NSUN6: variants seen among roughly 807,000 people sequenced by gnomAD.
The protein encoded by NSUN6 is NOP2/Sun RNA methyltransferase 6, also known as tRNA (cytosine(72)-C(5))-methyltransferase NSUN6.
NSUN6 carries 64 observed loss-of-function variants against 58.0 expected under a neutral mutation model. The ratio of observed to expected loss-of-function variants is 1.10; its 90% CI spans 0.90 to 1.36. The LOEUF is 1.36. Ranked by LOEUF, NSUN6 falls within the 40% of genes most tolerant of loss-of-function variation. The pLI, the probability that NSUN6 is intolerant of heterozygous loss-of-function variation, is 0.00. For missense variants in NSUN6, 701 were observed against 550.1 expected (o/e 1.27, Z -2.74); for synonymous variants, 231 against 193.9 (o/e 1.19, Z -1.59).
chr10:18,652,802 T>G, upstream of NSUN6: 1 of 637,632 alleles, frequency 1.6e-6, no homozygotes, highest in Non-Finnish European at 2.0e-6. Context: ...TCAACTGATC[T>G]GACTCTCTAG....
At chr10:18,599,418 A>G (rs988082898) in intron 6 of NSUN6, among the ~76,000 whole-genome samples, 11 of 152,062 alleles carry the variant, frequency 7.2e-5, no homozygotes, top group Non-Finnish European at 1.5e-4. Flanking sequence ...ATAATTTACA[A>G]CTTTCCTTTA....
At chr10:18,556,485 GGAGAATGGAATA>G (rs1414596428) in intron 8 of NSUN6, among the ~76,000 whole-genome samples, 2 of 150,380 alleles carry the variant, frequency 1.3e-5, no homozygotes, top group Non-Finnish European at 3.0e-5. Context: ...GGAATGGAAT[GGAGAATGGAATA>G]GAGAATGGAA....
chr10:18,592,718 A>G (rs527402172), intron 7 of NSUN6, among the ~76,000 whole-genome samples: 8 of 152,294 alleles, frequency 5.3e-5, no homozygotes, highest in Admixed American at 4.6e-4. Context: ...CTCAAGATGG[A>G]TTAAAAACTT....
upstream of NSUN6, chr10:18,653,340 A>C (rs2059741275): frequency 5.1e-6 from 5 of 981,876 alleles, no homozygotes; most frequent in Non-Finnish European, 6.0e-6. Flanking sequence ...TTACTTCACT[A>C]GTGCCACACA....
At chr10:18,650,809 T>G (rs553681907) in intron 1 of NSUN6, among the ~76,000 whole-genome samples, 45 of 152,342 alleles carry the variant, frequency 3.0e-4, no homozygotes, top group African/African-American at 1.1e-3. Context: ...GAGCCAGCGC[T>G]CTTTTAAAAT....
chr10:18,594,982 C>A (rs930519234), intron 7 of NSUN6, among the ~76,000 whole-genome samples: 10 of 152,168 alleles, frequency 6.6e-5, no homozygotes, highest in African/African-American at 2.4e-4. Context: ...CCATCACCAG[C>A]CCCCAACTAC....
Position 18,571,846 on chromosome 10 carries a change from G to A in NSUN6, c.922+14103C>T, listed in dbSNP as rs560893387. On this transcript the variant is annotated intron_variant, in intron 8 of 10. Transcript: ENST00000377304. ...TTCTCCATTCTATTTTATTCACCAC[G>A]GCATTCCATTACATTTTCCATTCCA... 1.7e-3 allele frequency among the ~76,000 whole-genome samples: 234 copies of A among 141,768 alleles called. 1 individual carries two copies. Among genetic ancestry groups the A allele is most frequent in the Non-Finnish European group, 3.2e-4 (21 of 64,902 alleles). 93.0% of individuals were successfully genotyped at this position (141,768 alleles called of 152,430 possible).
At chr10:18,577,437 G>C (rs540852646) in intron 8 of NSUN6, among the ~76,000 whole-genome samples, 14 of 152,226 alleles carry the variant, frequency 9.2e-5, no homozygotes, top group African/African-American at 3.4e-4. Context: ...CGTAATGGGT[G>C]TACTTCTTCT....
At chr10:18,562,161 T>C (rs11014892) in intron 8 of NSUN6, among the ~76,000 whole-genome samples, 52,946 of 148,936 alleles carry the variant, frequency 0.36, 10,069 homozygotes, top group East Asian at 0.74. Context: ...TGGAATGGAA[T>C]AGAATGGAGA....
At chr10:18,636,984 T>C (rs1330770876) in intron 3 of NSUN6, among the ~76,000 whole-genome samples, 1 of 137,580 alleles carries the variant, frequency 7.3e-6, no homozygotes, top group Non-Finnish European at 1.5e-5. Context: ...TTTTTTGAGA[T>C]GGAGTTTCAG....
At chr10:18,632,952 C>G (rs185118263) in intron 3 of NSUN6, among the ~76,000 whole-genome samples, 5 of 152,254 alleles carry the variant, frequency 3.3e-5, no homozygotes, top group Non-Finnish European at 5.9e-5. Flanking sequence ...AAGACACGTG[C>G]ACCCGTATGT....
In NSUN6 at chr10:18,651,256, GTTTT is replaced by G. The variant is rs140572895; in HGVS notation, c.-57_-54del. 32 of 1,361,056 alleles carry G rather than the reference GTTTT, an allele frequency of 2.4e-5. No individual in the cohort carries two copies. Among genetic ancestry groups the G allele is most frequent in the Non-Finnish European group, 2.5e-5 (26 of 1,032,160 alleles). 84.3% of individuals were successfully genotyped at this position (1,361,056 alleles called of 1,614,324 possible). A position where few individuals can be genotyped will look rare whatever the true frequency, so the allele number is the denominator to read the frequency against. ...GAGAAATGCTGGAAAACGGTGTTTT[GTTTT>G]TTTTTTTCTTTCCGAATTAATAGTG... On this transcript the variant is annotated 5_prime_UTR_variant, in exon 1 of 11. Transcript: ENST00000377304.
In NSUN6 at chr10:18,567,459, C is replaced by T. The variant is rs1343052797; in HGVS notation, c.923-15488G>A. Among the ~76,000 whole-genome samples, 6 of 150,990 alleles carry T rather than the reference C, an allele frequency of 4.0e-5. No individual in the cohort carries two copies. In the East Asian group the frequency reaches 7.9e-4, roughly 20 times the overall value. On this transcript the variant is annotated intron_variant, in intron 8 of 10. Transcript: ENST00000377304. ...CTCCATTCCATTCCATGCTCCATTC[C>T]ATTCCATTCTCCATACCATCCTCCA...
intron 4 of NSUN6, 65 bp downstream of exon 4, chr10:18,616,119 T>C: frequency 1.1e-6 from 1 of 952,276 alleles, no homozygotes; most frequent in Non-Finnish European, 1.7e-6. Flanking sequence ...ATCAATAAAT[T>C]TTCCATTTGA....
intron 8 of NSUN6, among the ~76,000 whole-genome samples, chr10:18,557,566 G>C (rs1281737209): frequency 6.6e-6 from 1 of 151,084 alleles, no homozygotes; most frequent in African/African-American, 2.4e-5. Flanking sequence ...GAATGGAATG[G>C]ACAGTGGAAT....
intron 8 of NSUN6, among the ~76,000 whole-genome samples, chr10:18,570,494 A>C (rs1379624209): frequency 6.9e-6 from 1 of 144,052 alleles, no homozygotes; most frequent in Non-Finnish European, 1.5e-5. Flanking sequence ...TTTCCATTCC[A>C]TTCCATCCTC....
intron 7 of NSUN6, among the ~76,000 whole-genome samples, chr10:18,594,957 C>T (rs1036642023): frequency 6.6e-6 from 1 of 152,190 alleles, no homozygotes; most frequent in African/African-American, 2.4e-5. Context: ...TGGACTTGCT[C>T]TGCTTTGCTC....
At chr10:18,617,255 T>C (rs192411948) in intron 3 of NSUN6, among the ~76,000 whole-genome samples, 86 of 150,958 alleles carry the variant, frequency 5.7e-4, no homozygotes, top group African/African-American at 2.0e-3. Context: ...TGACGCAATC[T>C]TGGCTCACTG....
rs181836614 is a variant in NSUN6 at position 18,562,286 on chromosome 10, A to G, written c.923-10315T>C. Among the ~76,000 whole-genome samples the G allele has an allele frequency of 5.7e-3, 859 of 151,242 alleles. 26 individuals carry two copies. Among genetic ancestry groups the G allele is most frequent in the African/African-American group, 0.018 (734 of 40,998 alleles). ...CAGAATGGAATGGAATAGAATGGAG[A>G]ATGGAATGCAACGGAGAATGGAATG... On this transcript the variant is annotated intron_variant, in intron 8 of 10. Coordinates refer to ENST00000377304, the MANE Select transcript of NSUN6 (RefSeq NM_182543.5).
Sources: gnomAD v4.1 joint callset for allele counts (sites outside exome capture counted in the v4.1 genomes callset) on GRCh38, gnomAD v4.1.1 for gene constraint, MANE v1.5 for transcripts, NCBI Gene and HGNC (gene_info 2026-07-23, HGNC 2026-07-21) for gene names.